PRKAG2: variants seen among roughly 807,000 people sequenced by gnomAD.
PRKAG2 encodes the protein protein kinase AMP-activated non-catalytic subunit gamma 2, also known as 5'-AMP-activated protein kinase subunit gamma-2.
Under a neutral mutation model 69.6 loss-of-function variants are expected in PRKAG2, and 26 were observed. The observed-to-expected ratio is 0.37, with a 90% CI of 0.27 to 0.52. The LOEUF is 0.52. Among genes scored for constraint, PRKAG2 ranks in the 20% least tolerant of loss-of-function variants. PRKAG2 has a pLI of 0.90. For synonymous variants in PRKAG2, 293 were observed against 285.0 expected, an observed-to-expected ratio of 1.03 and a Z score of -0.28; for missense variants, 557 against 740.0, an observed-to-expected ratio of 0.75 and a Z score of 2.87.
intron 1 of PRKAG2, among the ~76,000 whole-genome samples, chr7:151,817,197 G>C (rs1255481857): frequency 6.6e-6 from 1 of 152,186 alleles, no homozygotes; most frequent in Non-Finnish European, 1.5e-5. Context: ...GGAGTCAGCT[G>C]TCTTGAACAA....
At chr7:151,620,791 T>TAA (rs35118919) in intron 5 of PRKAG2, among the ~76,000 whole-genome samples, 13 of 151,360 alleles carry the variant, frequency 8.6e-5, no homozygotes, top group Non-Finnish European at 1.5e-4. Context: ...CTTAATAGAT[T>TAA]AAAAAAATTT....
At chr7:151,857,984 C>G (rs1055577097) in intron 1 of PRKAG2, among the ~76,000 whole-genome samples, 2 of 152,224 alleles carry the variant, frequency 1.3e-5, no homozygotes, top group Admixed American at 6.5e-5. Flanking sequence ...TCTCCCATCT[C>G]TCTTTGGGAA....
chr7:151,695,666 C>T (rs576295903), intron 3 of PRKAG2, among the ~76,000 whole-genome samples: 1 of 152,334 alleles, frequency 6.6e-6, no homozygotes, highest in South Asian at 2.1e-4. Context: ...GTTCAGCCAT[C>T]AGTGAAATGG....
At chr7:151,595,069 A>T (rs1049046459) in intron 6 of PRKAG2, among the ~76,000 whole-genome samples, 1 of 152,208 alleles carries the variant, frequency 6.6e-6, no homozygotes, top group Non-Finnish European at 1.5e-5. Flanking sequence ...AAGTGCTGGG[A>T]TTACAGACGT....
chr7:151,753,493 G>C (rs923008274), intron 3 of PRKAG2, among the ~76,000 whole-genome samples: 35 of 152,062 alleles, frequency 2.3e-4, no homozygotes, highest in Admixed American at 2.3e-3. Context: ...TGCTAACATC[G>C]GGCAATCTGG....
intron 3 of PRKAG2, among the ~76,000 whole-genome samples, chr7:151,709,632 G>T (rs1230590254): frequency 6.6e-6 from 1 of 152,154 alleles, no homozygotes; most frequent in African/African-American, 2.4e-5. Context: ...TGACACATGT[G>T]ACTGTCAGTG....
chr7:151,664,193 C>T (rs558984195), intron 4 of PRKAG2, among the ~76,000 whole-genome samples: 15 of 152,312 alleles, frequency 9.8e-5, no homozygotes, highest in African/African-American at 3.6e-4. Flanking sequence ...ATGCTGAGAA[C>T]ACGGATTCTG....
intron 1 of PRKAG2, among the ~76,000 whole-genome samples, chr7:151,824,271 G>A (rs1451235858): frequency 6.6e-6 from 1 of 152,172 alleles, no homozygotes; most frequent in Non-Finnish European, 1.5e-5. Flanking sequence ...AAAGATCCCA[G>A]TTCAGCTTGT....
At chr7:151,768,035 T>C (rs902481193) in intron 3 of PRKAG2, among the ~76,000 whole-genome samples, 2 of 152,196 alleles carry the variant, frequency 1.3e-5, no homozygotes, top group Non-Finnish European at 2.9e-5. Flanking sequence ...TGCTGATGCA[T>C]GACAAGCTGC....
At chr7:151,827,265 G>C (rs2078922826) in intron 1 of PRKAG2, among the ~76,000 whole-genome samples, 2 of 152,050 alleles carry the variant, frequency 1.3e-5, no homozygotes, top group Admixed American at 1.3e-4. Context: ...TTGAGACAGG[G>C]TCTCACTCTG....
chr7:151,822,818 T>C (rs1355888007), intron 1 of PRKAG2, among the ~76,000 whole-genome samples: 3 of 151,802 alleles, frequency 2.0e-5, no homozygotes, highest in African/African-American at 7.2e-5. Context: ...CCTCCACACC[T>C]CCACGTCACA....
chr7:151,613,819 T>G (rs1471129480), intron 5 of PRKAG2, among the ~76,000 whole-genome samples: 11 of 147,852 alleles, frequency 7.4e-5, no homozygotes, highest in Non-Finnish European at 1.6e-4. Flanking sequence ...TTTTTTTTTT[T>G]TTGAGATGGA....
chr7:151,697,399 C>A (rs952324393), intron 3 of PRKAG2, among the ~76,000 whole-genome samples: 1 of 152,008 alleles, frequency 6.6e-6, no homozygotes, highest in African/African-American at 2.4e-5. Context: ...TGGGCCGAGC[C>A]CGGGAGCCCT....
chr7:151,862,979 C>T (rs748088986), intron 1 of PRKAG2, among the ~76,000 whole-genome samples: 11 of 148,348 alleles, frequency 7.4e-5, no homozygotes, highest in Non-Finnish European at 1.3e-4. Flanking sequence ...GCAGGGGGCA[C>T]TGGTAGGTCC....
chr7:151,558,303 T>C (rs879406635), intron 15 of PRKAG2: 22 of 985,440 alleles, frequency 2.2e-5, no homozygotes, highest in Non-Finnish European at 2.7e-5. Context: ...CAGCAGACAC[T>C]TCATCAAACT....
chr7:151,589,652 A>G (rs1812568999), intron 6 of PRKAG2, among the ~76,000 whole-genome samples: 1 of 152,220 alleles, frequency 6.6e-6, no homozygotes. Flanking sequence ...AACTGGCACC[A>G]CGGCCGGGCA....
intron 14 of PRKAG2, among the ~76,000 whole-genome samples, chr7:151,561,066 A>T (rs1028135348): frequency 1.3e-5 from 2 of 152,228 alleles, no homozygotes; most frequent in African/African-American, 2.4e-5. Flanking sequence ...TTAAAAAGTC[A>T]CAGCCCTGGT....
In PRKAG2 at chr7:151,876,877, TC is replaced by T; in HGVS notation, c.-258del. 1 of 559,818 alleles carries T rather than the reference TC, an allele frequency of 1.8e-6. No individual in the cohort carries two copies. Among genetic ancestry groups the T allele is most frequent in the African/African-American group, 1.9e-5 (1 of 53,156 alleles). 34.7% of individuals were successfully genotyped at this position (559,818 alleles called of 1,614,324 possible). A position where few individuals can be genotyped will look rare whatever the true frequency, so the allele number is the denominator to read the frequency against. ...CAAAGCCCGTCCCGGTTCTGGTGTC[TC>T]CCCGGGTTACTCGTGGCTGAGGTCT... On this transcript the variant is annotated 5_prime_UTR_variant, in exon 1 of 16. Coordinates refer to ENST00000287878, the MANE Select transcript of PRKAG2 (RefSeq NM_016203.4).
At chr7:151,842,559 T>C (rs2079331156) in intron 1 of PRKAG2, among the ~76,000 whole-genome samples, 2 of 148,036 alleles carry the variant, frequency 1.4e-5, no homozygotes, top group Admixed American at 6.6e-5. Flanking sequence ...GTAGTGATGG[T>C]AGTGATGGTA....
Sources: gnomAD v4.1 joint callset for allele counts (sites outside exome capture counted in the v4.1 genomes callset) on GRCh38, gnomAD v4.1.1 for gene constraint, MANE v1.5 for transcripts, NCBI Gene and HGNC (gene_info 2026-07-23, HGNC 2026-07-21) for gene names.